ASTN2: variants seen among roughly 807,000 people sequenced by gnomAD.
The protein encoded by ASTN2 is astrotactin-2.
A neutral mutation model predicts 139.8 loss-of-function variants in ASTN2; 54 were observed. The ratio of observed to expected loss-of-function variants is 0.39; its 90% CI spans 0.31 to 0.48. The LOEUF (loss-of-function observed/expected upper bound fraction) is 0.48. Ranked by LOEUF, ASTN2 falls within the 20% of genes least tolerant of loss-of-function variation. The probability of loss-of-function intolerance (pLI) is 0.95; values close to 1 mark genes in which losing one functional copy is unlikely to be tolerated. For missense variants in ASTN2, 1,565 were observed against 1,725.1 expected (o/e 0.91, Z 1.64); for synonymous variants, 756 against 719.5 (o/e 1.05, Z -0.81).
chr9:116,617,169 T>C (rs540345997), intron 19 of ASTN2, among the ~76,000 whole-genome samples: 3 of 152,314 alleles, frequency 2.0e-5, no homozygotes, highest in African/African-American at 7.2e-5. Flanking sequence ...GCTTTTCTTT[T>C]TCTGACTTCT....
chr9:117,333,396 T>C (rs1828779071), intron 1 of ASTN2, among the ~76,000 whole-genome samples: 1 of 152,130 alleles, frequency 6.6e-6, no homozygotes, highest in Non-Finnish European at 1.5e-5. Context: ...TTTTTCAACA[T>C]CTCTAATATG....
chr9:117,066,083 A>G (rs951751158), intron 5 of ASTN2, among the ~76,000 whole-genome samples: 3 of 146,880 alleles, frequency 2.0e-5, no homozygotes, highest in African/African-American at 7.6e-5. Flanking sequence ...TTAGTTACAT[A>G]TGTATACATG....
At chr9:116,432,640 T>C (rs1449002234) in intron 22 of ASTN2, among the ~76,000 whole-genome samples, 1 of 152,148 alleles carries the variant, frequency 6.6e-6, no homozygotes, top group Non-Finnish European at 1.5e-5. Context: ...GAATAATGAA[T>C]TAATAAATGC....
At chr9:116,750,173 C>T (rs958464769) in intron 13 of ASTN2, among the ~76,000 whole-genome samples, 34 of 152,228 alleles carry the variant, frequency 2.2e-4, no homozygotes, top group Admixed American at 5.2e-4. Flanking sequence ...AGAAAAATAA[C>T]GTTTAAAAAC....
At chr9:117,367,509 GGT>G (rs373313445) in intron 1 of ASTN2, among the ~76,000 whole-genome samples, 1 of 151,670 alleles carries the variant, frequency 6.6e-6, no homozygotes, top group African/African-American at 2.4e-5. Flanking sequence ...TAAAGAGAAG[GGT>G]GTGTGTGTGT....
chr9:116,494,875 G>C (rs902421525), intron 19 of ASTN2, among the ~76,000 whole-genome samples: 1 of 152,148 alleles, frequency 6.6e-6, no homozygotes, highest in African/African-American at 2.4e-5. Context: ...GAGATGCCTG[G>C]GGTGGGAATT....
In ASTN2 at chr9:116,698,781, G is replaced by C. The variant is rs1564217118; in HGVS notation, c.2806+26990C>G. The C allele has an allele frequency of 1.2e-6, 2 of 1,614,070 alleles. No individual in the cohort carries two copies. The highest frequency in any genetic ancestry group is 1.7e-6 in the Non-Finnish European group (2 of 1,180,050). ...CTCACCTGCTAAACAGCGGGGTCCT[G>C]AGGCAGCCTCCAATATCCAGCAGTG... On this transcript the variant is annotated intron_variant, in intron 16 of 22. Coordinates refer to ENST00000313400, the MANE Select transcript of ASTN2 (RefSeq NM_001365068.1). The surrounding 1 kb of genome is among the most constrained non-coding windows in gnomAD (Gnocchi z 4.4).
chr9:116,478,683 C>T (rs1200954559), intron 20 of ASTN2, among the ~76,000 whole-genome samples: 3 of 152,078 alleles, frequency 2.0e-5, no homozygotes, highest in Non-Finnish European at 2.9e-5. Context: ...GTCTTCTTGC[C>T]CCCATCATCT....
intron 4 of ASTN2, among the ~76,000 whole-genome samples, chr9:117,129,453 C>T (rs982871758): frequency 3.3e-5 from 5 of 152,030 alleles, no homozygotes; most frequent in Admixed American, 3.3e-4. Flanking sequence ...ATGGCCAAAG[C>T]CAGAAAATTG....
intron 10 of ASTN2, among the ~76,000 whole-genome samples, chr9:116,929,786 C>A (rs1477410136): frequency 3.3e-5 from 5 of 152,136 alleles, no homozygotes; most frequent in Non-Finnish European, 5.9e-5. Context: ...CTATTTCTTC[C>A]CTCTTAATTA....
chr9:117,072,548 A>T (rs1828163523), intron 5 of ASTN2, among the ~76,000 whole-genome samples: 2 of 152,198 alleles, frequency 1.3e-5, no homozygotes, highest in South Asian at 4.1e-4. Flanking sequence ...GGATAGAGGA[A>T]GGAGAAAGAC....
intron 5 of ASTN2, among the ~76,000 whole-genome samples, chr9:117,062,253 C>T (rs1415018099): frequency 6.6e-6 from 1 of 152,156 alleles, no homozygotes; most frequent in African/African-American, 2.4e-5. Context: ...CTACCTGATC[C>T]AGTCACCATT....
rs80183358 is a variant in ASTN2 at position 116,452,395 on chromosome 9, T to C, written c.3498-9842A>G. 2.1e-3 allele frequency among the ~76,000 whole-genome samples: 315 copies of C among 152,332 alleles called. 5 individuals are homozygous for C. The East Asian group carries it at 0.043, about 21-fold the overall frequency. ...TTCACCTTGTCATTAACTAGCTATGTGGCTTTGGTGGGATTGTTTGCCCTC... is the reference window on the plus strand; with the variant it reads ...TTCACCTTGTCATTAACTAGCTATGCGGCTTTGGTGGGATTGTTTGCCCTC... On this transcript the variant is annotated intron_variant, in intron 20 of 22. Transcript: ENST00000313400.
chr9:117,289,843 G>C (rs1313353307), intron 2 of ASTN2, among the ~76,000 whole-genome samples: 1 of 152,130 alleles, frequency 6.6e-6, no homozygotes, highest in Non-Finnish European at 1.5e-5. Context: ...TAACACAAAG[G>C]CCTTGATTTG....
chr9:116,609,535 T>A (rs1202928637), intron 19 of ASTN2, among the ~76,000 whole-genome samples: 1 of 151,222 alleles, frequency 6.6e-6, no homozygotes, highest in Non-Finnish European at 1.5e-5. Flanking sequence ...AGCAATAATA[T>A]CTTACAAAAA....
At position 116,841,962 on chromosome 9, in the gene ASTN2, T is replaced by C. The variant is rs561473337; in HGVS notation, c.2041-21179A>G. On this transcript the variant is annotated intron_variant, in intron 11 of 22. Coordinates refer to ENST00000313400, the MANE Select transcript of ASTN2 (RefSeq NM_001365068.1). ...AACTCAGAGGTCAGGTGAGCTGCCT[T>C]GGGTCATACAGCAAGCAAGAGTCTG... is the stretch of plus-strand genomic sequence containing the variant. Among the ~76,000 whole-genome samples, 7 of 152,266 alleles carry C rather than the reference T, an allele frequency of 4.6e-5. No individual in the cohort carries two copies. The East Asian group carries it at 1.4e-3, about 29-fold the overall frequency.
intron 1 of ASTN2, among the ~76,000 whole-genome samples, chr9:117,385,911 G>A (rs1830384797): frequency 6.6e-6 from 1 of 152,124 alleles, no homozygotes; most frequent in South Asian, 2.1e-4. Flanking sequence ...ATTTCTGGTG[G>A]CAGCAGGGAA....
intron 1 of ASTN2, among the ~76,000 whole-genome samples, chr9:117,319,211 C>T (rs913957933): frequency 2.6e-5 from 4 of 152,166 alleles, no homozygotes; most frequent in Non-Finnish European, 5.9e-5. Flanking sequence ...GTCTCACCTT[C>T]CATGTGACAA....
At chr9:117,105,544 C>T (rs1829082127) in intron 4 of ASTN2, among the ~76,000 whole-genome samples, 1 of 152,134 alleles carries the variant, frequency 6.6e-6, no homozygotes, top group Admixed American at 6.6e-5. Flanking sequence ...TTCACCTTTC[C>T]TTTATCATTA....
Sources: allele counts gnomAD v4.1 joint callset (sites outside exome capture counted in the v4.1 genomes callset), GRCh38; gene constraint gnomAD v4.1.1; non-coding constraint Gnocchi (gnomAD v3.1); transcripts MANE v1.5; gene names NCBI Gene and HGNC (gene_info 2026-07-23, HGNC 2026-07-21).